The following SLC24A2 variants were observed in gnomAD, a reference collection of about 807,000 sequenced individuals.
The protein encoded by SLC24A2 is solute carrier family 24 member 2.
A neutral mutation model predicts 62.0 loss-of-function variants in SLC24A2; 36 were observed. That is an observed-to-expected ratio of 0.58 (90% CI 0.44 to 0.77). The LOEUF is 0.77. SLC24A2 is among the 30% of genes least tolerant of loss of function. SLC24A2 has a pLI of 0.00. For missense variants in SLC24A2, 846 were observed against 817.9 expected (o/e 1.03, Z -0.42); for synonymous variants, 358 against 294.0 (o/e 1.22, Z -2.23).
At chr9:20,114,404 G>A in the SLC24A2 span, among the ~76,000 whole-genome samples, 1 of 152,116 alleles carries the variant, frequency 6.6e-6, no homozygotes, top group Admixed American at 6.6e-5. Flanking sequence ...TATGCTAAAG[G>A]CTGCTGCGGT....
the SLC24A2 span, among the ~76,000 whole-genome samples, chr9:19,941,269 G>A: frequency 5.3e-5 from 8 of 152,026 alleles, no homozygotes; most frequent in Admixed American, 1.3e-4. Flanking sequence ...AAATCTCCAA[G>A]GCCAACCCAT....
the SLC24A2 span, among the ~76,000 whole-genome samples, chr9:20,040,632 T>C: frequency 6.6e-6 from 1 of 152,220 alleles, no homozygotes; most frequent in Admixed American, 6.5e-5. Context: ...TTATTCTTTG[T>C]GGCTACATAG....
chr9:19,577,573 G>A (rs1388492562), intron 5 of SLC24A2, among the ~76,000 whole-genome samples: 1 of 152,158 alleles, frequency 6.6e-6, no homozygotes, highest in Non-Finnish European at 1.5e-5. Context: ...TTCTAAACGA[G>A]TAAGGAACAT....
chr9:20,081,413 G>A, the SLC24A2 span, among the ~76,000 whole-genome samples: 7 of 145,402 alleles, frequency 4.8e-5, no homozygotes, highest in East Asian at 1.2e-3. Flanking sequence ...TCACTCATAG[G>A]TGGGAATTGA....
At chr9:20,299,910 C>G in the SLC24A2 span, among the ~76,000 whole-genome samples, 1 of 152,220 alleles carries the variant, frequency 6.6e-6, no homozygotes, top group Non-Finnish European at 1.5e-5. Context: ...CTCTGTGCTT[C>G]TAGACTCTAC....
In SLC24A2 at chr9:19,550,212, G is replaced by A. The variant is rs58063275; in HGVS notation, c.1404C>T (p.Arg468=). The A allele has an allele frequency of 7.4e-6, 12 of 1,613,944 alleles. No individual in the cohort carries two copies. In the East Asian group the frequency reaches 2.2e-4, roughly 30 times the overall value. The change falls in exon 8 of 11, where the codon CGC becomes CGT. Residue 468 remains arginine, a synonymous_variant. Transcript: ENST00000341998. ...AAACAATCAGAAACGTGACTTGCTT[G>A]CGGGTTTCAGAAGGCCAGGCAAGGC... The part of the protein sequence containing the change: ...PLSLAWPSET[R]KQVTFLIVFP...
the SLC24A2 span, among the ~76,000 whole-genome samples, chr9:20,056,919 A>T: frequency 2.0e-5 from 3 of 152,214 alleles, no homozygotes; most frequent in Non-Finnish European, 4.4e-5. Flanking sequence ...GCATTCTCTC[A>T]ATCATTTTAA....
chr9:19,675,038 C>A (rs560361402), intron 2 of SLC24A2, among the ~76,000 whole-genome samples: 60 of 152,262 alleles, frequency 3.9e-4, no homozygotes, highest in Non-Finnish European at 6.0e-4. Flanking sequence ...TTCTTTTGTC[C>A]CACAGGGTGC....
the SLC24A2 span, among the ~76,000 whole-genome samples, chr9:19,868,606 C>T: frequency 3.9e-5 from 6 of 152,110 alleles, no homozygotes; most frequent in Non-Finnish European, 8.8e-5. Context: ...TTTCTCTTTT[C>T]AGTTCTGCTC....
At chr9:19,630,495 T>G (rs968955614) in intron 2 of SLC24A2, among the ~76,000 whole-genome samples, 39 of 152,174 alleles carry the variant, frequency 2.6e-4, no homozygotes, top group Non-Finnish European at 2.6e-4. Flanking sequence ...AATTTGAATG[T>G]AATATAGTGA....
chr9:19,935,510 A>G, the SLC24A2 span, among the ~76,000 whole-genome samples: 1 of 152,208 alleles, frequency 6.6e-6, no homozygotes, highest in African/African-American at 2.4e-5. Context: ...CAAAGCTGCC[A>G]CCTGATTCCT....
At chr9:19,671,197 T>C (rs1417271513) in intron 2 of SLC24A2, among the ~76,000 whole-genome samples, 1 of 151,306 alleles carries the variant, frequency 6.6e-6, no homozygotes, top group Non-Finnish European at 1.5e-5. Context: ...GACATGTTTA[T>C]TTGTTTGTGT....
chr9:20,203,803 G>C, the SLC24A2 span, among the ~76,000 whole-genome samples: 1 of 152,208 alleles, frequency 6.6e-6, no homozygotes, highest in African/African-American at 2.4e-5. Context: ...CTCTGTGGCA[G>C]CGGTACCTTT....
chr9:19,603,138 A>G (rs1301466457), intron 4 of SLC24A2, among the ~76,000 whole-genome samples: 4 of 152,064 alleles, frequency 2.6e-5, no homozygotes, highest in Non-Finnish European at 5.9e-5. Flanking sequence ...CTCTTCTAAT[A>G]GAGTATTTCT....
chr9:19,923,347 G>A, the SLC24A2 span, among the ~76,000 whole-genome samples: 2 of 152,170 alleles, frequency 1.3e-5, no homozygotes, highest in Admixed American at 1.3e-4. Flanking sequence ...GTGGGACTCT[G>A]TTCCTTTAAA....
At chr9:19,947,845 AAAG>A in the SLC24A2 span, among the ~76,000 whole-genome samples, 2 of 149,874 alleles carry the variant, frequency 1.3e-5, no homozygotes, top group Admixed American at 6.7e-5. Flanking sequence ...AGAAAGAAAG[AAAG>A]AAATTAGTTC....
chr9:19,792,536 C>CAAAAAAAAAAAAAA (rs1165695410), upstream of SLC24A2, among the ~76,000 whole-genome samples: 3 of 74,612 alleles, frequency 4.0e-5, no homozygotes, highest in Non-Finnish European at 7.7e-5. Flanking sequence ...ACTAAAAATA[C>CAAAAAAAAAAAAAA]AAAAAAAAAA....
chr9:20,068,388 C>T, the SLC24A2 span, among the ~76,000 whole-genome samples: 2 of 152,026 alleles, frequency 1.3e-5, no homozygotes, highest in African/African-American at 4.8e-5. Flanking sequence ...AATAGCCATT[C>T]TGACTACAAT....
the SLC24A2 span, among the ~76,000 whole-genome samples, chr9:20,218,189 C>T: frequency 1.3e-5 from 2 of 152,180 alleles, no homozygotes; most frequent in South Asian, 2.1e-4. Context: ...ATCATCAGAA[C>T]TTAGATCTCG....
Sources: gnomAD v4.1 joint callset for allele counts (sites outside exome capture counted in the v4.1 genomes callset) on GRCh38, gnomAD v4.1.1 for gene constraint, MANE v1.5 for transcripts, NCBI Gene and HGNC (gene_info 2026-07-23, HGNC 2026-07-21) for gene names.